Variants in PBX3 observed in about 807,000 individuals in gnomAD.
PBX3 encodes the protein PBX homeobox 3.
Under a neutral mutation model 48.5 loss-of-function variants are expected in PBX3, and 14 were observed. That is an observed-to-expected ratio of 0.29 (90% CI 0.19 to 0.45). The LOEUF (loss-of-function observed/expected upper bound fraction) is 0.45. PBX3 is among the 20% of genes least tolerant of loss of function. PBX3 has a pLI of 1.00. For missense variants in PBX3, 386 were observed against 546.7 expected, an observed-to-expected ratio of 0.71 and a Z score of 2.93; for synonymous variants, 210 against 200.3, an observed-to-expected ratio of 1.05 and a Z score of -0.41.
rs542854628 is a variant in PBX3 at position 125,792,073 on chromosome 9, C to T, written c.274+43450C>T. 7.1e-4 allele frequency among the ~76,000 whole-genome samples: 85 copies of T among 119,238 alleles called. 1 individual carries two copies. The highest frequency in any genetic ancestry group is 2.7e-3 in the South Asian group (10 of 3,744). The allele number at this position is 119,238 out of a possible 152,430, so 78.2% of individuals were successfully genotyped here. A position where few individuals can be genotyped will look rare whatever the true frequency, so the allele number is the denominator to read the frequency against. ...ACGCACGCACGCACGCACGCACGCA[C>T]GCATATAAATAAATAAATATTGGAG... On this transcript the variant is annotated intron_variant, in intron 2 of 8. Coordinates refer to ENST00000373489, the MANE Select transcript of PBX3 (RefSeq NM_006195.6).
intron 2 of PBX3, among the ~76,000 whole-genome samples, chr9:125,882,498 G>A (rs1221962246): frequency 3.9e-5 from 6 of 152,210 alleles, no homozygotes; most frequent in Admixed American, 3.9e-4. Context: ...TATTTTTTAA[G>A]TGGGTGGTTG....
chr9:125,830,623 TAAC>T (rs1485733182), intron 2 of PBX3, among the ~76,000 whole-genome samples: 2 of 152,102 alleles, frequency 1.3e-5, no homozygotes, highest in South Asian at 2.1e-4. Flanking sequence ...ATAATAATAA[TAAC>T]ATTAATACTA....
chr9:125,788,090 T>C (rs1735373635), intron 2 of PBX3, among the ~76,000 whole-genome samples: 1 of 152,248 alleles, frequency 6.6e-6, no homozygotes, highest in Admixed American at 6.5e-5. Context: ...CAATTATTAA[T>C]ATTAGTTAAT....
rs1842543346 is a variant in PBX3 at position 125,966,830 on chromosome 9, CACTT to C, written c.*911_*914del. ...AACATGTTCTGTAGCTTAGAGTGCT[CACTT>C]ACTACCTCTGAACAATACTCACGCT... On this transcript the variant is annotated 3_prime_UTR_variant, in exon 9 of 9. Coordinates refer to ENST00000373489, the MANE Select transcript of PBX3 (RefSeq NM_006195.6). 1 of 152,656 alleles carries C rather than the reference CACTT, an allele frequency of 6.6e-6. No individual in the cohort carries two copies. Among genetic ancestry groups the C allele is most frequent in the Non-Finnish European group, 1.5e-5 (1 of 68,048 alleles). The allele number at this position is 152,656 out of a possible 1,614,324, so 9.5% of individuals were successfully genotyped here. A position where few individuals can be genotyped will look rare whatever the true frequency, so the allele number is the denominator to read the frequency against.
At chr9:125,895,432 A>G (rs537495106) in intron 2 of PBX3, among the ~76,000 whole-genome samples, 9 of 152,210 alleles carry the variant, frequency 5.9e-5, no homozygotes, top group African/African-American at 2.2e-4. Flanking sequence ...TATTATTCCA[A>G]ATAACCCAAA....
At chr9:125,947,930 A>C (rs921317387) in intron 5 of PBX3, among the ~76,000 whole-genome samples, 9 of 152,362 alleles carry the variant, frequency 5.9e-5, no homozygotes, top group African/African-American at 2.2e-4. Context: ...TTCAAAGAAA[A>C]ATAGACAAAT....
intron 2 of PBX3, among the ~76,000 whole-genome samples, chr9:125,913,176 T>A (rs917213624): frequency 6.6e-6 from 1 of 152,102 alleles, no homozygotes; most frequent in Non-Finnish European, 1.5e-5. Flanking sequence ...CAAAGTACTT[T>A]AGTACTTTTC....
chr9:125,946,774 A>G (rs937604916), intron 5 of PBX3, among the ~76,000 whole-genome samples: 2 of 152,166 alleles, frequency 1.3e-5, no homozygotes, highest in Non-Finnish European at 2.9e-5. Flanking sequence ...CCAGAAGCAA[A>G]TGTGAGAATG....
Position 125,747,518 on chromosome 9 carries a change from A to AG in PBX3, c.71dup (p.Met25HisfsTer62). The AG allele has an allele frequency of 1.3e-6, 2 of 1,598,454 alleles. No individual in the cohort carries two copies. Among genetic ancestry groups the AG allele is most frequent in the African/African-American group, 1.4e-5 (1 of 72,774 alleles). On this transcript the variant is annotated frameshift_variant, in exon 1 of 9. Transcript: ENST00000373489. LOFTEE classifies it high-confidence loss of function. Reference sequence around the variant, plus strand: ...GTGAACCTGGCTGGCCACTCGGTGCAGGGGGGCATGGCCCTGCCGCCTCCC... The same window carrying AG: ...GTGAACCTGGCTGGCCACTCGGTGCAGGGGGGGCATGGCCCTGCCGCCTCCC...
intron 2 of PBX3, among the ~76,000 whole-genome samples, chr9:125,813,775 A>G (rs1838368854): frequency 6.6e-6 from 1 of 151,982 alleles, no homozygotes; most frequent in Admixed American, 6.6e-5. Flanking sequence ...AATGACATTG[A>G]GAAAACAAGA....
At chr9:125,795,553 A>G (rs1008677603) in intron 2 of PBX3, among the ~76,000 whole-genome samples, 4 of 152,184 alleles carry the variant, frequency 2.6e-5, no homozygotes, top group African/African-American at 7.2e-5. Context: ...TTCAACAATC[A>G]TATACAACAT....
chr9:125,829,754 A>G (rs771333087), intron 2 of PBX3, among the ~76,000 whole-genome samples: 4 of 152,306 alleles, frequency 2.6e-5, no homozygotes, highest in Non-Finnish European at 4.4e-5. Flanking sequence ...TTTTAAGAAG[A>G]TTCTAATTGA....
chr9:125,771,114 T>A (rs1453861158), intron 2 of PBX3, among the ~76,000 whole-genome samples: 1 of 152,214 alleles, frequency 6.6e-6, no homozygotes, highest in African/African-American at 2.4e-5. Flanking sequence ...TTATGAAGAT[T>A]TAGGATTGTG....
At chr9:125,748,851 C>G (rs1334484711) in intron 2 of PBX3, 2 of 354,194 alleles carry the variant, frequency 5.6e-6, no homozygotes, top group African/African-American at 2.1e-5. Context: ...GCTGGATCGC[C>G]GTCCCTCGGC....
At chr9:125,749,838 A>G (rs1303208929) in intron 2 of PBX3, among the ~76,000 whole-genome samples, 1 of 152,136 alleles carries the variant, frequency 6.6e-6, no homozygotes, top group Non-Finnish European at 1.5e-5. Context: ...ATGATGAGTT[A>G]TTGCTGTCTA....
intron 2 of PBX3, among the ~76,000 whole-genome samples, chr9:125,762,338 G>C (rs1836691764): frequency 6.6e-6 from 1 of 152,058 alleles, no homozygotes; most frequent in African/African-American, 2.4e-5. Flanking sequence ...ATGTGTATCT[G>C]TATATATTTG....
chr9:125,950,623 A>G (rs1405065144), intron 5 of PBX3, among the ~76,000 whole-genome samples: 2 of 152,076 alleles, frequency 1.3e-5, no homozygotes, highest in Non-Finnish European at 2.9e-5. Context: ...CTGGGACTAC[A>G]GGTATGCACC....
chr9:125,793,618 C>T (rs907002834), intron 2 of PBX3, among the ~76,000 whole-genome samples: 14 of 151,414 alleles, frequency 9.2e-5, no homozygotes, highest in South Asian at 4.2e-4. Context: ...TTAGTAGAGA[C>T]GGGGTTTCAC....
At chr9:125,804,847 T>C (rs1838071551) in intron 2 of PBX3, among the ~76,000 whole-genome samples, 1 of 140,676 alleles carries the variant, frequency 7.1e-6, no homozygotes, top group South Asian at 2.3e-4. Flanking sequence ...CTCGGGCGGC[T>C]GAGGCAGGAG....
Sources: gnomAD v4.1 joint callset for allele counts (sites outside exome capture counted in the v4.1 genomes callset) on GRCh38, gnomAD v4.1.1 for gene constraint, MANE v1.5 for transcripts, NCBI Gene and HGNC (gene_info 2026-07-23, HGNC 2026-07-21) for gene names.